PCSK5: variants seen among roughly 807,000 people sequenced by gnomAD.
PCSK5 encodes the protein prohormone convertase 5.
PCSK5 carries 129 observed loss-of-function variants against 233.2 expected under a neutral mutation model. The ratio of observed to expected loss-of-function variants is 0.55; its 90% CI spans 0.48 to 0.64. The LOEUF (loss-of-function observed/expected upper bound fraction) is 0.64. PCSK5 is among the 30% of genes least tolerant of loss of function. The pLI, the probability that PCSK5 is intolerant of heterozygous loss-of-function variation, is 0.00. For missense variants in PCSK5, 2,076 were observed against 2,430.1 expected (o/e 0.85, Z 3.06); for synonymous variants, 825 against 879.2 (o/e 0.94, Z 1.09).
At chr9:76,266,454 T>G (rs1305791252) in intron 24 of PCSK5, among the ~76,000 whole-genome samples, 7 of 152,160 alleles carry the variant, frequency 4.6e-5, no homozygotes, top group Admixed American at 3.9e-4. Context: ...CCTATTTAAT[T>G]CCCATTGCAA....
intron 27 of PCSK5, 38 bp from the exon 28 acceptor site, chr9:76,302,099 T>TA (rs11451259): frequency 0.61 from 515,403 of 851,886 alleles, 126,886 homozygotes; most frequent in East Asian, 0.78. Context: ...CTTTTTGCAT[T>TA]AAAAAAAAAC....
intron 9 of PCSK5, among the ~76,000 whole-genome samples, chr9:76,110,938 C>G (rs931408663): frequency 2.6e-5 from 4 of 152,094 alleles, no homozygotes; most frequent in African/African-American, 7.2e-5. Context: ...CAAAACCCAT[C>G]TCTACTAAAC....
At chr9:75,906,048 G>T (rs1826251567) in intron 1 of PCSK5, among the ~76,000 whole-genome samples, 1 of 152,096 alleles carries the variant, frequency 6.6e-6, no homozygotes, top group Non-Finnish European at 1.5e-5. Flanking sequence ...TGCTCACACG[G>T]TGCTTGCGTT....
intron 3 of PCSK5, among the ~76,000 whole-genome samples, chr9:75,988,883 A>T (rs1180545401): frequency 6.6e-6 from 1 of 152,170 alleles, no homozygotes; most frequent in Admixed American, 6.5e-5. Flanking sequence ...AGTCCATGGG[A>T]TTAGCACAAC....
At chr9:76,117,560 T>A (rs1018830067) in intron 9 of PCSK5, among the ~76,000 whole-genome samples, 7 of 152,134 alleles carry the variant, frequency 4.6e-5, no homozygotes, top group African/African-American at 1.7e-4. Flanking sequence ...GTTAAGCACA[T>A]CTTACCTTTT....
chr9:76,089,204 A>G lies in PCSK5; in HGVS notation c.895-6686A>G, dbSNP rs371835480. On this transcript the variant is annotated intron_variant, in intron 7 of 37. Transcript: ENST00000674117. ...AATAACCATGGCATAAAGAGCTTAC[A>G]CAGAGGACTGTGCTCTTTTCTCCCC... 9.9e-5 allele frequency among the ~76,000 whole-genome samples: 15 copies of G among 152,284 alleles called. No homozygotes were observed. In the East Asian group the frequency reaches 1.9e-3, roughly 20 times the overall value.
chr9:76,189,789 A>ATCTT (rs748539490), intron 20 of PCSK5, 43 bp downstream of exon 20: 102 of 995,138 alleles, frequency 1.0e-4, no homozygotes, highest in Admixed American at 8.3e-4. Context: ...GCAAAGTATG[A>ATCTT]TCTTTCTACT....
intron 2 of PCSK5, among the ~76,000 whole-genome samples, chr9:75,980,069 A>T (rs771748312): frequency 6.6e-6 from 1 of 152,216 alleles, no homozygotes; most frequent in Non-Finnish European, 1.5e-5. Flanking sequence ...ATTTCATCTT[A>T]TCAAAACTGA....
intron 2 of PCSK5, among the ~76,000 whole-genome samples, chr9:75,939,875 C>T (rs930982109): frequency 5.3e-5 from 8 of 152,152 alleles, no homozygotes; most frequent in Admixed American, 3.9e-4. Context: ...AGTGTCACTC[C>T]CTCCGATGAG....
rs566324194 is a variant in PCSK5 at position 76,080,206 on chromosome 9, C to T, written c.894+8308C>T. On this transcript the variant is annotated intron_variant, in intron 7 of 37. Coordinates refer to ENST00000674117, the MANE Select transcript of PCSK5 (RefSeq NM_001372043.1). ...ACTCCACCCCAGCAATCCACTGAAGCTGCTTTTTGACAAGGTCACAGTGAC... is the reference window on the plus strand; with the variant it reads ...ACTCCACCCCAGCAATCCACTGAAGTTGCTTTTTGACAAGGTCACAGTGAC... Among the ~76,000 whole-genome samples the T allele has an allele frequency of 1.1e-4, 16 of 152,308 alleles. No individual in the cohort carries two copies. In the South Asian group the frequency reaches 3.1e-3, roughly 30 times the overall value.
In PCSK5 at chr9:76,189,698, T is replaced by C. The variant is rs1824273349; in HGVS notation, c.2578T>C (p.Tyr860His). Residue 860 changes from tyrosine to histidine, a missense_variant, in exon 20 of 38, where the codon TAT becomes CAT. This residue lies in a region of PCSK5 where 1,510 missense variants were observed against 1,538.1 expected (regional missense o/e 0.98). Coordinates refer to ENST00000674117, the MANE Select transcript of PCSK5 (RefSeq NM_001372043.1). ...FKNCTSCPSGYLLDLGMCQMG... is the reference protein window; with the variant it reads ...FKNCTSCPSGHLLDLGMCQMG... ...GAACTGTACAAGCTGCCCTAGTGGGTATCTCTTAGACTTAGGAATGTGTCA... is the reference window on the plus strand; with the variant it reads ...GAACTGTACAAGCTGCCCTAGTGGGCATCTCTTAGACTTAGGAATGTGTCA... The C allele has an allele frequency of 6.2e-7, 1 of 1,612,844 alleles. No homozygotes were observed. Among genetic ancestry groups the C allele is most frequent in the Non-Finnish European group, 8.5e-7 (1 of 1,178,964 alleles).
chr9:76,216,828 A>G (rs549748667), intron 20 of PCSK5, among the ~76,000 whole-genome samples: 7 of 152,232 alleles, frequency 4.6e-5, no homozygotes, highest in African/African-American at 1.7e-4. Context: ...TTTTGTGTAT[A>G]CTTACTACGC....
intron 24 of PCSK5, among the ~76,000 whole-genome samples, chr9:76,247,868 TC>T: frequency 6.6e-6 from 1 of 151,740 alleles, no homozygotes; most frequent in East Asian, 1.9e-4. Context: ...CACTGCAACC[TC>T]CGCCTCCCAG....
At chr9:75,957,637 A>C (rs1825152241) in intron 2 of PCSK5, among the ~76,000 whole-genome samples, 1 of 152,174 alleles carries the variant, frequency 6.6e-6, no homozygotes, top group Non-Finnish European at 1.5e-5. Context: ...GCTGTCTCCT[A>C]ATTATATATA....
chr9:76,126,378 C>T (rs987011446), intron 9 of PCSK5, among the ~76,000 whole-genome samples: 4 of 152,198 alleles, frequency 2.6e-5, no homozygotes, highest in African/African-American at 9.7e-5. Flanking sequence ...CTTTGGGAGG[C>T]TGAGGCATGT....
intron 9 of PCSK5, among the ~76,000 whole-genome samples, chr9:76,109,349 A>T (rs1050217669): frequency 6.6e-6 from 1 of 152,178 alleles, no homozygotes; most frequent in African/African-American, 2.4e-5. Flanking sequence ...TCTCAAACTA[A>T]AACTTAGCAA....
chr9:76,004,140 C>A (rs1174778046), intron 3 of PCSK5, among the ~76,000 whole-genome samples: 1 of 152,102 alleles, frequency 6.6e-6, no homozygotes, highest in Admixed American at 6.5e-5. Context: ...AGCTCCTCTG[C>A]CTTATTGCAG....
In PCSK5 at chr9:76,046,155, CTTTTGTTTTTTT is replaced by C. The variant is rs1829365009; in HGVS notation, c.632+19123_632+19134del. Among the ~76,000 whole-genome samples the C allele has an allele frequency of 8.3e-3, 460 of 55,688 alleles. 24 individuals carry two copies. The highest frequency in any genetic ancestry group is 0.022 in the African/African-American group (415 of 19,216). The allele number at this position is 55,688 out of a possible 152,430, so 36.5% of individuals were successfully genotyped here. On this transcript the variant is annotated intron_variant, in intron 5 of 37. Coordinates refer to ENST00000674117, the MANE Select transcript of PCSK5 (RefSeq NM_001372043.1). The stretch of plus-strand genomic sequence containing the variant: ...TAGTAGCATTAACACATAATTTTTT[CTTTTGTTTTTTT>C]TTTTTTTTTTTTTTTTTTTTTTTTT...
rs1309297813 is a variant in PCSK5, at chr9:76,240,602, CTCTG to C, written c.3074-8_3074-5del. 1.3e-6 allele frequency: 2 copies of C among 1,552,902 alleles called. No homozygotes were observed. Among genetic ancestry groups the C allele is most frequent in the Admixed American group, 1.9e-5 (1 of 52,768 alleles). On this transcript the variant is annotated splice_polypyrimidine_tract_variant and intron_variant, in intron 23 of 37. Coordinates refer to ENST00000674117, the MANE Select transcript of PCSK5 (RefSeq NM_001372043.1). ...TGGAAATGAGTTGTGTTTTTCACTT[CTCTG>C]TCTGTGTAGGTGAAGTCCAAGACCC...
Sources: allele counts gnomAD v4.1 joint callset (sites outside exome capture counted in the v4.1 genomes callset), GRCh38; gene constraint gnomAD v4.1.1; regional missense constraint gnomAD v4.1.1; transcripts MANE v1.5; gene names NCBI Gene and HGNC (gene_info 2026-07-23, HGNC 2026-07-21).